The following FRMD4B variants were observed in gnomAD, a reference collection of about 807,000 sequenced individuals.
The protein encoded by FRMD4B is FERM domain containing 4B.
A neutral mutation model predicts 141.5 loss-of-function variants in FRMD4B; 74 were observed. The observed-to-expected ratio is 0.52, with a 90% CI of 0.43 to 0.63. The LOEUF (loss-of-function observed/expected upper bound fraction) is 0.63. Among genes scored for constraint, FRMD4B ranks in the 30% least tolerant of loss-of-function variants. The pLI is 0.00. For synonymous variants in FRMD4B, 506 were observed against 467.9 expected, an observed-to-expected ratio of 1.08 and a Z score of -1.05; for missense variants, 1,366 against 1,253.4, an observed-to-expected ratio of 1.09 and a Z score of -1.36.
rs543376189 is a variant in FRMD4B at position 69,471,658 on chromosome 3, A to G, written c.-128-38897T>C. On this transcript the variant is annotated intron_variant, in intron 1 of 5. Transcript: ENST00000459638. ...TACATGTCTCTTTTCTAAGCTCTAA[A>G]TGAAGAGCATGTGACCATTCCTCAA... 20 of 175,370 alleles carry G rather than the reference A, an allele frequency of 1.1e-4. No homozygotes were observed. The South Asian group carries it at 2.5e-3, about 22-fold the overall frequency. 10.9% of individuals were successfully genotyped at this position (175,370 alleles called of 1,614,324 possible). A position where few individuals can be genotyped will look rare whatever the true frequency, so the allele number is the denominator to read the frequency against.
rs551284122 is a variant in FRMD4B at position 69,196,738 on chromosome 3, A to G, written c.1092+162T>C. ...TTTTAAAGCAGCTTATATATTGCCC[A>G]TCATGTAAACATATAAAAAACCTGA... On this transcript the variant is annotated intron_variant, in intron 13 of 22. Coordinates refer to ENST00000398540, the MANE Select transcript of FRMD4B (RefSeq NM_015123.3). The G allele has an allele frequency of 3.7e-3, 2,301 of 618,388 alleles. 12 individuals carry two copies. The highest frequency in any genetic ancestry group is 0.014 in the Middle Eastern group (33 of 2,334). 38.3% of individuals were successfully genotyped at this position (618,388 alleles called of 1,614,324 possible).
At chr3:69,527,704 C>A (rs1169545682) in intron 1 of FRMD4B, among the ~76,000 whole-genome samples, 1 of 152,164 alleles carries the variant, frequency 6.6e-6, no homozygotes, top group Non-Finnish European at 1.5e-5. Context: ...GTACAGTGAC[C>A]AACCTGTCCT....
rs1419826994 is a variant in FRMD4B at position 69,287,693 on chromosome 3, T to A, written c.501+59A>T. On this transcript the variant is annotated intron_variant, in intron 5 of 22. Transcript: ENST00000398540. ...GCAAGAAGAGAGGCAAAACCATTTC[T>A]TCCTGTCATCCCAGTCGCTCTGGAG... The A allele has an allele frequency of 9.5e-6, 8 of 846,552 alleles. No homozygotes were observed. The African/African-American group carries it at 1.0e-4, about 11-fold the overall frequency. The allele number at this position is 846,552 out of a possible 1,614,324, so 52.4% of individuals were successfully genotyped here. A position where few individuals can be genotyped will look rare whatever the true frequency, so the allele number is the denominator to read the frequency against.
chr3:69,480,479 C>G (rs145311805), intron 1 of FRMD4B, among the ~76,000 whole-genome samples: 2 of 152,194 alleles, frequency 1.3e-5, no homozygotes, highest in African/African-American at 4.8e-5. Flanking sequence ...CCACTCCGGA[C>G]GCTGTTTGCC....
intron 1 of FRMD4B, among the ~76,000 whole-genome samples, chr3:69,438,156 T>G (rs1705290502): frequency 6.6e-6 from 1 of 150,758 alleles, no homozygotes; most frequent in Non-Finnish European, 1.5e-5. Flanking sequence ...CAGGCTGGAG[T>G]GTAGTGGTGC....
rs977116508 is a variant in FRMD4B, at chr3:69,337,483, T to G, written c.163-23966A>C. ...GGTCTAATTAAACTAAAGACCTTCT[T>G]CACAGCAAAAGAAACTACCATCAGA... is the stretch of plus-strand genomic sequence containing the variant. On this transcript the variant is annotated intron_variant, in intron 1 of 22. Coordinates refer to ENST00000398540, the MANE Select transcript of FRMD4B (RefSeq NM_015123.3). Among the ~76,000 whole-genome samples the G allele has an allele frequency of 1.5e-4, 23 of 152,298 alleles. 1 individual carries two copies. Among genetic ancestry groups the G allele is most frequent in the South Asian group, 2.1e-4 (1 of 4,824 alleles).
At chr3:69,239,850 G>A (rs1316811297) in intron 7 of FRMD4B, among the ~76,000 whole-genome samples, 1 of 152,008 alleles carries the variant, frequency 6.6e-6, no homozygotes, top group Non-Finnish European at 1.5e-5. Flanking sequence ...TCAAGAGTTC[G>A]AGACCAGCCT....
intron 1 of FRMD4B, among the ~76,000 whole-genome samples, chr3:69,490,793 C>A (rs933939382): frequency 6.6e-6 from 1 of 152,112 alleles, no homozygotes; most frequent in Non-Finnish European, 1.5e-5. Flanking sequence ...CACACCAGGC[C>A]TATAATAAGA....
chr3:69,348,999 A>G (rs1703042565), intron 1 of FRMD4B, among the ~76,000 whole-genome samples: 1 of 152,174 alleles, frequency 6.6e-6, no homozygotes, highest in Non-Finnish European at 1.5e-5. Context: ...GAAAGAAATA[A>G]AGGTATTCAT....
intron 7 of FRMD4B, among the ~76,000 whole-genome samples, chr3:69,244,182 A>T (rs911606650): frequency 1.3e-5 from 2 of 152,196 alleles, no homozygotes; most frequent in Non-Finnish European, 2.9e-5. Flanking sequence ...AGCAGAAGGA[A>T]ATCTGTCTGA....
intron 2 of FRMD4B, among the ~76,000 whole-genome samples, chr3:69,404,439 A>G (rs902200773): frequency 6.6e-6 from 1 of 152,224 alleles, no homozygotes; most frequent in African/African-American, 2.4e-5. Context: ...GCATCAAATA[A>G]TAACTTCAGC....
At chr3:69,387,195 A>G (rs1047415815), upstream of FRMD4B, among the ~76,000 whole-genome samples, 6 of 152,120 alleles carry the variant, frequency 3.9e-5, no homozygotes, top group African/African-American at 9.7e-5. Flanking sequence ...CAGTGACTCA[A>G]TCATAGCTCA....
At position 69,170,356 on chromosome 3, in the gene FRMD4B, T is replaced by C. The variant is rs2092572266; in HGVS notation, c.*1505A>G. 6.6e-6 allele frequency: 1 copy of C among 152,208 alleles called. No homozygotes were observed. Among genetic ancestry groups the C allele is most frequent in the Admixed American group, 6.5e-5 (1 of 15,276 alleles). The allele number at this position is 152,208 out of a possible 1,614,324, so 9.4% of individuals were successfully genotyped here. The stretch of plus-strand genomic sequence containing the variant: ...AATAAAAGAATATGCAAAAAGGTTA[T>C]TTCTGATTCTAGAAGGCTATACAAA... On this transcript the variant is annotated 3_prime_UTR_variant, in exon 23 of 23. Transcript: ENST00000398540.
intron 1 of FRMD4B, chr3:69,541,040 T>A (rs975601926): frequency 6.6e-6 from 1 of 152,138 alleles, no homozygotes; most frequent in Admixed American, 6.5e-5. Flanking sequence ...AGACATTTGA[T>A]TTGGAAACCC....
At chr3:69,266,422 T>A (rs1198601898) in intron 5 of FRMD4B, among the ~76,000 whole-genome samples, 1 of 152,046 alleles carries the variant, frequency 6.6e-6, no homozygotes, top group East Asian at 1.9e-4. Context: ...GCCTCCCAGG[T>A]TCATGTGATT....
intron 1 of FRMD4B, among the ~76,000 whole-genome samples, chr3:69,356,539 T>C (rs1015223656): frequency 6.6e-6 from 1 of 151,736 alleles, no homozygotes; most frequent in Non-Finnish European, 1.5e-5. Context: ...CTTGTTATCA[T>C]GTGAGTTAAT....
At chr3:69,479,613 A>G (rs374093968) in intron 1 of FRMD4B, among the ~76,000 whole-genome samples, 9 of 152,156 alleles carry the variant, frequency 5.9e-5, no homozygotes, top group Non-Finnish European at 1.0e-4. Flanking sequence ...TGGGTAACCC[A>G]ACCTTTCTCT....
At chr3:69,210,834 T>C (rs1218706203) in intron 11 of FRMD4B, among the ~76,000 whole-genome samples, 1 of 151,614 alleles carries the variant, frequency 6.6e-6, no homozygotes, top group Non-Finnish European at 1.5e-5. Context: ...ACCAACATGG[T>C]GAAACTCCAT....
At chr3:69,231,843 G>A (rs1014551246) in intron 7 of FRMD4B, among the ~76,000 whole-genome samples, 1 of 152,188 alleles carries the variant, frequency 6.6e-6, no homozygotes, top group African/African-American at 2.4e-5. Flanking sequence ...GGTTAAGCTC[G>A]ATCGTTTCCA....
Sources: allele counts gnomAD v4.1 joint callset (sites outside exome capture counted in the v4.1 genomes callset), GRCh38; gene constraint gnomAD v4.1.1; transcripts MANE v1.5; gene names NCBI Gene and HGNC (gene_info 2026-07-23, HGNC 2026-07-21).